The following LRRC75A variants were observed in gnomAD, a reference collection of about 807,000 sequenced individuals.
LRRC75A encodes the protein leucine rich repeat containing 75A.
In LRRC75A, 12 loss-of-function variants were observed where a neutral mutation model predicts 26.0. That is an observed-to-expected ratio of 0.46 (90% confidence interval 0.30 to 0.75). The LOEUF is 0.75. LRRC75A is among the 30% of genes least tolerant of loss of function. LRRC75A has a pLI of 0.08. For missense variants in LRRC75A, 410 were observed against 486.6 expected (o/e 0.84, Z 1.48); for synonymous variants, 223 against 219.3 (o/e 1.02, Z -0.15).
intron 2 of LRRC75A, among the ~76,000 whole-genome samples, chr17:16,452,508 G>C (rs1230508605): frequency 6.6e-6 from 1 of 151,824 alleles, no homozygotes; most frequent in African/African-American, 2.4e-5. Context: ...CGCGGTCTTG[G>C]CTCACTGCAA....
intron 1 of LRRC75A, among the ~76,000 whole-genome samples, chr17:16,482,184 A>AGG (rs2143416337): frequency 6.6e-6 from 1 of 152,204 alleles, no homozygotes; most frequent in African/African-American, 2.4e-5. Flanking sequence ...GACAGAAACT[A>AGG]AGGGCAGTGG....
intron 1 of LRRC75A, among the ~76,000 whole-genome samples, chr17:16,473,800 G>A (rs768702659): frequency 6.6e-6 from 1 of 152,178 alleles, no homozygotes; most frequent in Non-Finnish European, 1.5e-5. Context: ...ACCCCGGCAG[G>A]CTGGCCCTCC....
In LRRC75A at chr17:16,444,167, T is replaced by C. The variant is rs747760848; in HGVS notation, c.492-36A>G. 5.9e-6 allele frequency: 9 copies of C among 1,522,088 alleles called. No homozygotes were observed. In the East Asian group the frequency reaches 1.6e-4, roughly 27 times the overall value. 94.3% of individuals were successfully genotyped at this position (1,522,088 alleles called of 1,614,324 possible). On this transcript the variant is annotated intron_variant, in intron 3 of 3. Coordinates refer to ENST00000470794, the MANE Select transcript of LRRC75A (RefSeq NM_001113567.3). ...AAAGGACAAACAAGGCTCAGGCACA[T>C]AGGGCAGGCCTTTCCCCCAGAAGCT...
In LRRC75A at chr17:16,445,158, A is replaced by ATTT. The variant is rs766449990; in HGVS notation, c.492-1030_492-1028dup. 5.3e-3 allele frequency among the ~76,000 whole-genome samples: 371 copies of ATTT among 69,734 alleles called. 45 individuals are homozygous for ATTT. The highest frequency in any genetic ancestry group is 7.6e-3 in the Non-Finnish European group (295 of 39,068). The allele number at this position is 69,734 out of a possible 152,430, so 45.7% of individuals were successfully genotyped here. On this transcript the variant is annotated intron_variant, in intron 3 of 3. Transcript: ENST00000470794. Reference sequence around the variant, plus strand: ...GCCAACACGCCTGGCCATTTTCTGCATTTTTTTTTTTTTTTTTTTTTTTTT... The same window carrying ATTT: ...GCCAACACGCCTGGCCATTTTCTGCATTTTTTTTTTTTTTTTTTTTTTTTTTTT...
intron 2 of LRRC75A, among the ~76,000 whole-genome samples, chr17:16,452,276 G>A (rs1488990053): frequency 6.6e-6 from 1 of 150,528 alleles, no homozygotes; most frequent in Admixed American, 6.6e-5. Context: ...AGGCTCTTGA[G>A]CCCCGAAAGT....
At chr17:16,444,201 A>G (rs1475959842) in intron 3 of LRRC75A, 70 bp from the exon 4 acceptor site, 2 of 1,304,366 alleles carry the variant, frequency 1.5e-6, no homozygotes, top group South Asian at 1.5e-5. Flanking sequence ...CTGCAGTGCC[A>G]GCCTCTGCTC....
At position 16,491,927 on chromosome 17, in the gene LRRC75A, G is replaced by A; in HGVS notation, c.64C>T (p.Pro22Ser). 3 of 1,249,760 alleles carry A rather than the reference G, an allele frequency of 2.4e-6. No individual in the cohort carries two copies. The highest frequency in any genetic ancestry group is 2.7e-5 in the South Asian group (1 of 37,348). 77.4% of individuals were successfully genotyped at this position (1,249,760 alleles called of 1,614,324 possible). ...ERASPGAAPG[P>S]RRERPDFWAS... ...CAGAAGTCCGGCCGTTCGCGTCGGGGGCCCGGCGCGGCGCCGGGGCTGGCT... is the reference window on the plus strand; with the variant it reads ...CAGAAGTCCGGCCGTTCGCGTCGGGAGCCCGGCGCGGCGCCGGGGCTGGCT... Residue 22 changes from proline to serine, a missense_variant, in exon 1 of 4, where the codon CCC becomes TCC. Coordinates refer to ENST00000470794, the MANE Select transcript of LRRC75A (RefSeq NM_001113567.3). The surrounding 1 kb of genome is among the most constrained non-coding windows in gnomAD (Gnocchi z 5.9).
chr17:16,451,999 G>A (rs12936994), intron 2 of LRRC75A, among the ~76,000 whole-genome samples: 57,316 of 150,394 alleles, frequency 0.38, 11,202 homozygotes, highest in African/African-American at 0.4. Context: ...CGCCCGCCTC[G>A]GCCTCCCATT....
intron 1 of LRRC75A, among the ~76,000 whole-genome samples, chr17:16,480,680 A>G (rs531084361): frequency 1.3e-5 from 2 of 149,410 alleles, no homozygotes; most frequent in South Asian, 4.2e-4. Flanking sequence ...CAGGGAATAC[A>G]CTCAAGGTAA....
chr17:16,476,539 TCTA>T (rs1352838283), intron 1 of LRRC75A, among the ~76,000 whole-genome samples: 1 of 151,842 alleles, frequency 6.6e-6, no homozygotes, highest in Non-Finnish European at 1.5e-5. Flanking sequence ...TTACTCAAAG[TCTA>T]CTGATTTCAC....
At chr17:16,473,715 G>A (rs991298869) in intron 1 of LRRC75A, among the ~76,000 whole-genome samples, 4 of 152,224 alleles carry the variant, frequency 2.6e-5, no homozygotes, top group African/African-American at 9.6e-5. Context: ...GGTCCCACCT[G>A]AGGGTCCAGG....
In LRRC75A at chr17:16,447,847, G is replaced by T. The variant is rs750383502; in HGVS notation, c.489C>A (p.Ala163=). The change falls in exon 3 of 4, where the codon GCC becomes GCA. Residue 163 remains alanine (A), a splice_region_variant and synonymous_variant. Coordinates refer to ENST00000470794, the MANE Select transcript of LRRC75A (RefSeq NM_001113567.3). ...CTGCCCGGGGGAGTGTAACTCACCA[G>T]GCCTGTGGCTTCCTTTTCACCAGCC... The part of the protein sequence containing the change: ...HRGLVKRKPQ[A]CLKAVLAGSP... 6.5e-7 allele frequency: 1 copy of T among 1,543,640 alleles called. No homozygotes were observed. The highest frequency in any genetic ancestry group is 8.7e-7 in the Non-Finnish European group (1 of 1,143,216).
intron 1 of LRRC75A, among the ~76,000 whole-genome samples, chr17:16,468,459 C>T (rs1000181144): frequency 6.6e-6 from 1 of 152,138 alleles, no homozygotes; most frequent in Non-Finnish European, 1.5e-5. Context: ...AAGCCAGACA[C>T]AAAAGGACAA....
intron 1 of LRRC75A, among the ~76,000 whole-genome samples, chr17:16,487,886 T>C (rs942879928): frequency 6.6e-6 from 1 of 152,202 alleles, no homozygotes; most frequent in African/African-American, 2.4e-5. Context: ...GGAACAGCCC[T>C]GCTTAAGAGG....
Position 16,481,320 on chromosome 17 carries a change from C to T in LRRC75A, c.246+10425G>A, listed in dbSNP as rs187166809. ...GATGAGAGCCCCTCCATGCTTCCCTCTCTGTGGCCCCTGCTCTCTCCTGCC... is the reference window on the plus strand; with the variant it reads ...GATGAGAGCCCCTCCATGCTTCCCTTTCTGTGGCCCCTGCTCTCTCCTGCC... On this transcript the variant is annotated intron_variant, in intron 1 of 3. Transcript: ENST00000470794. Among the ~76,000 whole-genome samples, 110 of 152,298 alleles carry T rather than the reference C, an allele frequency of 7.2e-4. 1 individual carries two copies. Among genetic ancestry groups the T allele is most frequent in the Non-Finnish European group, 1.4e-3 (95 of 68,024 alleles).
intron 2 of LRRC75A, among the ~76,000 whole-genome samples, chr17:16,455,339 G>A (rs1271225001): frequency 1.3e-5 from 2 of 151,776 alleles, no homozygotes; most frequent in African/African-American, 4.8e-5. Flanking sequence ...TGTCAGCCAT[G>A]ACCCTTATAA....
chr17:16,470,946 G>A (rs2093803861), intron 1 of LRRC75A, among the ~76,000 whole-genome samples: 1 of 152,192 alleles, frequency 6.6e-6, no homozygotes, highest in Non-Finnish European at 1.5e-5. Context: ...AGGGAGGGAT[G>A]CCAGGCACAG....
chr17:16,447,030 A>G, intron 3 of LRRC75A: 1 of 267,480 alleles, frequency 3.7e-6, no homozygotes, highest in Non-Finnish European at 7.6e-6. Flanking sequence ...GCCTGCAGGG[A>G]CCTGCAGGGA....
At chr17:16,467,046 T>A (rs1206550737) in intron 1 of LRRC75A, among the ~76,000 whole-genome samples, 1 of 152,216 alleles carries the variant, frequency 6.6e-6, no homozygotes, top group Non-Finnish European at 1.5e-5. Context: ...AAAGTGAGAC[T>A]AAAGAGAGTC....
Sources: gnomAD v4.1 joint callset for allele counts (sites outside exome capture counted in the v4.1 genomes callset) on GRCh38, gnomAD v4.1.1 for gene constraint, Gnocchi (gnomAD v3.1) non-coding constraint, MANE v1.5 for transcripts, NCBI Gene and HGNC (gene_info 2026-07-23, HGNC 2026-07-21) for gene names.